Variants in CNOT2 observed in about 807,000 individuals in gnomAD.
The protein encoded by CNOT2 is CC chemokine receptor 4-negative regulator of transcription 2.
In CNOT2, 7 loss-of-function variants were observed where a neutral mutation model predicts 72.1. The observed-to-expected ratio is 0.10, with a 90% CI of 0.06 to 0.18. The LOEUF (loss-of-function observed/expected upper bound fraction) is 0.18, where lower values mean the gene tolerates loss of function less well. Ranked by LOEUF, CNOT2 falls within the 10% of genes least tolerant of loss-of-function variation. The probability of loss-of-function intolerance (pLI) is 1.00; values close to 1 mark genes in which losing one functional copy is unlikely to be tolerated. For synonymous variants in CNOT2, 196 were observed against 225.6 expected (o/e 0.87, Z 1.17); for missense variants, 345 against 660.3 (o/e 0.52, Z 5.23).
At chr12:70,339,717 A>G (rs1212680913) in intron 11 of CNOT2, among the ~76,000 whole-genome samples, 1 of 152,136 alleles carries the variant, frequency 6.6e-6, no homozygotes, top group Non-Finnish European at 1.5e-5. Context: ...TTATGCAACT[A>G]TCGTACACTT....
chr12:70,251,847 C>T (rs893114111), intron 1 of CNOT2, among the ~76,000 whole-genome samples: 2 of 152,026 alleles, frequency 1.3e-5, no homozygotes, highest in Admixed American at 6.6e-5. Flanking sequence ...TTTTTGTATA[C>T]GTTTTGGGGC....
At chr12:70,245,515 A>G (rs1957839249) in intron 1 of CNOT2, among the ~76,000 whole-genome samples, 1 of 152,216 alleles carries the variant, frequency 6.6e-6, no homozygotes, top group African/African-American at 2.4e-5. Context: ...TATACAATGT[A>G]GAGATATCTG....
intron 1 of CNOT2, among the ~76,000 whole-genome samples, chr12:70,245,233 G>T (rs1957823411): frequency 1.3e-5 from 2 of 152,028 alleles, no homozygotes; most frequent in South Asian, 4.1e-4. Context: ...CTATTATAAT[G>T]TTAAATCTAA....
intron 1 of CNOT2, among the ~76,000 whole-genome samples, chr12:70,266,860 AT>A (rs1959072697): frequency 6.6e-6 from 1 of 151,752 alleles, no homozygotes; most frequent in Non-Finnish European, 1.5e-5. Context: ...TTTTTTAACC[AT>A]TTTGACAATC....
intron 3 of CNOT2, among the ~76,000 whole-genome samples, chr12:70,314,872 G>A (rs1877059396): frequency 6.6e-6 from 1 of 150,826 alleles, no homozygotes; most frequent in African/African-American, 2.5e-5. Flanking sequence ...TTGTTTTGGG[G>A]GATATTTTGA....
At chr12:70,329,634 T>A (rs926713135) in intron 5 of CNOT2, 64 bp downstream of exon 5, 1 of 1,197,404 alleles carries the variant, frequency 8.4e-7, no homozygotes, top group African/African-American at 1.5e-5. Flanking sequence ...AAACTTTTAG[T>A]TTTTTAATAA....
rs550536218 is a variant in CNOT2 at position 70,253,821 on chromosome 12, C to T, written c.-96+10341C>T. On this transcript the variant is annotated intron_variant, in intron 1 of 15. Transcript: ENST00000229195. Reference sequence around the variant, plus strand: ...CAAGGGGAAATATGTTCTGAGACCCCAGTGGATGCCTGAAACTACAGATAG... The same window carrying T: ...CAAGGGGAAATATGTTCTGAGACCCTAGTGGATGCCTGAAACTACAGATAG... Among the ~76,000 whole-genome samples the T allele has an allele frequency of 2.2e-4, 34 of 152,278 alleles. No homozygotes were observed. In the South Asian group the frequency reaches 6.0e-3, roughly 27 times the overall value.
In CNOT2 at chr12:70,338,458, G is replaced by A; in HGVS notation, c.916G>A (p.Gly306Ser). 1 of 1,608,394 alleles carries A rather than the reference G, an allele frequency of 6.2e-7. No individual in the cohort carries two copies. Among genetic ancestry groups the A allele is most frequent in the Non-Finnish European group, 8.5e-7 (1 of 1,178,184 alleles). Residue 306 changes from glycine (G) to serine (S), a missense_variant, in exon 10 of 16, where the codon GGC becomes AGC. Coordinates refer to ENST00000229195, the MANE Select transcript of CNOT2 (RefSeq NM_014515.7). ...DDSKSNLNTS[G>S]KTTSSTDGPK... The stretch of plus-strand genomic sequence containing the variant: ...TTCATGCTAGAATTTGAATACATCT[G>A]GCAAGACAACTTCAAGTACAGATGG...
At chr12:70,321,053 G>A (rs1244718948) in intron 4 of CNOT2, among the ~76,000 whole-genome samples, 1 of 151,668 alleles carries the variant, frequency 6.6e-6, no homozygotes, top group African/African-American at 2.4e-5. Flanking sequence ...AATTTTTAAG[G>A]TACTTACTAG....
chr12:70,305,467 A>C (rs991163087), intron 2 of CNOT2, among the ~76,000 whole-genome samples: 8 of 152,224 alleles, frequency 5.3e-5, no homozygotes, highest in African/African-American at 1.9e-4. Flanking sequence ...AAACCATATC[A>C]GCTAGGAAAT....
At chr12:70,353,350 C>T (rs919168107) in intron 15 of CNOT2, among the ~76,000 whole-genome samples, 3 of 152,132 alleles carry the variant, frequency 2.0e-5, no homozygotes, top group Non-Finnish European at 4.4e-5. Flanking sequence ...GCTGGGATTA[C>T]AGACGTGAGC....
chr12:70,300,845 C>T (rs931296922), intron 2 of CNOT2, among the ~76,000 whole-genome samples: 6 of 152,170 alleles, frequency 3.9e-5, no homozygotes, highest in African/African-American at 7.2e-5. Flanking sequence ...ATTCTTCCTA[C>T]GTATGAGCAT....
Position 70,306,393 on chromosome 12 carries a change from G to A in CNOT2, c.49-4502G>A, listed in dbSNP as rs554623380. ...GCTGGTCTTGAACTCCTGACCTCAA[G>A]TGATCTGCCTGCCTTGGCCTCCCAA... On this transcript the variant is annotated intron_variant, in intron 2 of 15. Transcript: ENST00000229195. Among the ~76,000 whole-genome samples, 76 of 152,236 alleles carry A rather than the reference G, an allele frequency of 5.0e-4. 1 individual carries two copies. Among genetic ancestry groups the A allele is most frequent in the Non-Finnish European group, 2.9e-5 (2 of 68,010 alleles).
At chr12:70,304,218 G>C (rs11178182) in intron 2 of CNOT2, among the ~76,000 whole-genome samples, 28,472 of 151,198 alleles carry the variant, frequency 0.19, 3,093 homozygotes, top group Admixed American at 0.33. Context: ...AGTCATTCTC[G>C]GTCCAGCTTT....
At chr12:70,284,665 C>G (rs554324565) in intron 2 of CNOT2, among the ~76,000 whole-genome samples, 3 of 144,824 alleles carry the variant, frequency 2.1e-5, no homozygotes, top group Non-Finnish European at 4.5e-5. Context: ...TAAATGAATT[C>G]CCAAGTTCCT....
rs202018261 is a variant in CNOT2 at position 70,338,361 on chromosome 12, T to C, written c.901-82T>C. ...CTACCAATTTAAATGTAATAAAGAA[T>C]AAATAGCAAGGTATTAATATGTGAA... On this transcript the variant is annotated intron_variant, in intron 9 of 15. Transcript: ENST00000229195. 15 of 1,162,426 alleles carry C rather than the reference T, an allele frequency of 1.3e-5. 1 individual carries two copies. The East Asian group carries it at 2.7e-4, about 21-fold the overall frequency. The allele number at this position is 1,162,426 out of a possible 1,614,324, so 72.0% of individuals were successfully genotyped here. A position where few individuals can be genotyped will look rare whatever the true frequency, so the allele number is the denominator to read the frequency against.
Position 70,259,449 on chromosome 12 carries a change from G to A in CNOT2, c.-96+15969G>A, listed in dbSNP as rs576080152. 4.6e-5 allele frequency among the ~76,000 whole-genome samples: 7 copies of A among 152,054 alleles called. No individual in the cohort carries two copies. The East Asian group carries it at 5.8e-4, about 13-fold the overall frequency. On this transcript the variant is annotated intron_variant, in intron 1 of 15. Coordinates refer to ENST00000229195, the MANE Select transcript of CNOT2 (RefSeq NM_014515.7). ...TTAGTTTTCACAAATTTATACACCCGTTTAACCATCACCATCATTCAGATA... is the reference window on the plus strand; with the variant it reads ...TTAGTTTTCACAAATTTATACACCCATTTAACCATCACCATCATTCAGATA...
intron 15 of CNOT2, among the ~76,000 whole-genome samples, chr12:70,348,863 A>G (rs1347209600): frequency 1.3e-5 from 2 of 151,782 alleles, no homozygotes; most frequent in Admixed American, 6.6e-5. Context: ...TATATATTAT[A>G]TATAAAACAT....
chr12:70,289,042 TTTA>T (rs1368497497), intron 2 of CNOT2, among the ~76,000 whole-genome samples: 3 of 152,026 alleles, frequency 2.0e-5, no homozygotes, highest in African/African-American at 7.2e-5. Context: ...CTTGCCCTGC[TTTA>T]TTTTCTTGCT....
Sources: allele counts gnomAD v4.1 joint callset (sites outside exome capture counted in the v4.1 genomes callset), GRCh38; gene constraint gnomAD v4.1.1; transcripts MANE v1.5; gene names NCBI Gene and HGNC (gene_info 2026-07-23, HGNC 2026-07-21).